STK4: variants seen among roughly 807,000 people sequenced by gnomAD.
STK4 encodes the protein serine/threonine kinase 4.
STK4 carries 30 observed loss-of-function variants against 64.9 expected under a neutral mutation model. The ratio of observed to expected loss-of-function variants is 0.46; its 90% CI spans 0.35 to 0.63. The LOEUF (loss-of-function observed/expected upper bound fraction) is 0.63, where lower values mean the gene tolerates loss of function less well. Ranked by LOEUF, STK4 falls within the 20% of genes least tolerant of loss-of-function variation. The pLI, the probability that STK4 is intolerant of heterozygous loss-of-function variation, is 0.01. For synonymous variants in STK4, 177 were observed against 199.0 expected (o/e 0.89, Z 0.93); for missense variants, 466 against 598.5 (o/e 0.78, Z 2.31).
chr20:45,034,834 T>A (rs1438468881), intron 10 of STK4, among the ~76,000 whole-genome samples: 1 of 152,120 alleles, frequency 6.6e-6, no homozygotes, highest in East Asian at 1.9e-4. Context: ...GGAGGATCTC[T>A]TGAGCCCAGG....
At chr20:44,995,888 A>G (rs1379557240) in intron 6 of STK4, among the ~76,000 whole-genome samples, 2 of 152,158 alleles carry the variant, frequency 1.3e-5, no homozygotes, top group South Asian at 2.1e-4. Flanking sequence ...TTAGACAACC[A>G]CATTTTAACA....
At chr20:45,037,606 G>A (rs917074340) in intron 10 of STK4, among the ~76,000 whole-genome samples, 1 of 152,112 alleles carries the variant, frequency 6.6e-6, no homozygotes, top group African/African-American at 2.4e-5. Flanking sequence ...AAGCCATTCA[G>A]TTGGCTTTTT....
intron 10 of STK4, among the ~76,000 whole-genome samples, chr20:45,065,342 T>C (rs1383005707): frequency 3.9e-5 from 6 of 152,204 alleles, no homozygotes; most frequent in Non-Finnish European, 8.8e-5. Context: ...GCCGCTGGAT[T>C]CGATTTGCTA....
chr20:45,030,003 CAAAT>C (rs1168056128), intron 10 of STK4, among the ~76,000 whole-genome samples: 9 of 151,878 alleles, frequency 5.9e-5, no homozygotes, highest in Admixed American at 5.9e-4. Flanking sequence ...TGACATCTGG[CAAAT>C]AAAGAGCTAG....
intron 9 of STK4, among the ~76,000 whole-genome samples, chr20:45,023,365 G>C (rs1312987577): frequency 6.6e-6 from 1 of 152,170 alleles, no homozygotes; most frequent in Non-Finnish European, 1.5e-5. Context: ...TGGCTGGCCT[G>C]AAACTGGACT....
intron 8 of STK4, 139 bp downstream of exon 8, chr20:45,000,659 A>G (rs2067821335): frequency 8.1e-7 from 1 of 1,238,418 alleles, no homozygotes; most frequent in Non-Finnish European, 1.1e-6. Flanking sequence ...CCTAACCTGG[A>G]TCAACGCATG....
intron 2 of STK4, among the ~76,000 whole-genome samples, chr20:44,976,203 G>A (rs112627791): frequency 0.011 from 1,728 of 152,300 alleles, 18 homozygotes; most frequent in Non-Finnish European, 0.016. Flanking sequence ...AAACTGAAAG[G>A]AGAATTTGTG....
At chr20:45,046,528 G>A (rs2068698035) in intron 10 of STK4, among the ~76,000 whole-genome samples, 1 of 151,066 alleles carries the variant, frequency 6.6e-6, no homozygotes, top group African/African-American at 2.4e-5. Context: ...GGAAATATTT[G>A]ATATATTTTC....
At chr20:45,061,352 A>G (rs1017452673) in intron 10 of STK4, among the ~76,000 whole-genome samples, 1 of 152,206 alleles carries the variant, frequency 6.6e-6, no homozygotes, top group Non-Finnish European at 1.5e-5. Context: ...CCGAATATTA[A>G]ATAGAAAATT....
chr20:45,010,956 T>A (rs2068033538), intron 9 of STK4, among the ~76,000 whole-genome samples: 1 of 152,156 alleles, frequency 6.6e-6, no homozygotes, highest in South Asian at 2.1e-4. Context: ...GGAGTCAGAT[T>A]GCAGTTGGAG....
In STK4 at chr20:45,046,558, G is replaced by A. The variant is rs973025573; in HGVS notation, c.1305+21428G>A. On this transcript the variant is annotated intron_variant, in intron 10 of 10. Coordinates refer to ENST00000372806, the MANE Select transcript of STK4 (RefSeq NM_006282.5). The stretch of plus-strand genomic sequence containing the variant: ...ATTTTCTGGTTATATCTCTGTCACA[G>A]TGTGCTTGTCAGTCTCATTCAGGCA... Among the ~76,000 whole-genome samples the A allele has an allele frequency of 2.4e-4, 36 of 151,276 alleles. 1 individual carries two copies. Among genetic ancestry groups the A allele is most frequent in the African/African-American group, 8.7e-4 (36 of 41,202 alleles).
rs191547889 is a variant in STK4 at position 45,001,830 on chromosome 20, C to T, written c.1147+477C>T. Among the ~76,000 whole-genome samples the T allele has an allele frequency of 1.6e-4, 24 of 152,324 alleles. No individual in the cohort carries two copies. In the East Asian group the frequency reaches 4.0e-3, roughly 26 times the overall value. On this transcript the variant is annotated intron_variant, in intron 9 of 10. Coordinates refer to ENST00000372806, the MANE Select transcript of STK4 (RefSeq NM_006282.5). ...GTTGAAAAGTTCTATCCAGTTTCTT[C>T]TAGTTTAAACTCATCTCTGCTTCTG... is the stretch of plus-strand genomic sequence containing the variant.
At chr20:45,012,097 G>A (rs6130724) in intron 9 of STK4, among the ~76,000 whole-genome samples, 18,799 of 150,056 alleles carry the variant, frequency 0.13, 1,539 homozygotes, top group East Asian at 0.22. Flanking sequence ...GTGCAGTGGC[G>A]CGATCTCAGC....
intron 1 of STK4, among the ~76,000 whole-genome samples, chr20:44,969,290 G>A (rs180815169): frequency 2.6e-5 from 4 of 152,306 alleles, no homozygotes; most frequent in African/African-American, 4.8e-5. Flanking sequence ...ATCAAATTCT[G>A]TGTGGAAAAA....
At chr20:44,984,557 C>A (rs925243368) in intron 4 of STK4, among the ~76,000 whole-genome samples, 6 of 152,022 alleles carry the variant, frequency 3.9e-5, no homozygotes, top group African/African-American at 1.4e-4. Context: ...TAACTCTGCC[C>A]TGTCCACCGT....
At chr20:45,041,683 A>G (rs920475935) in intron 10 of STK4, among the ~76,000 whole-genome samples, 1 of 121,950 alleles carries the variant, frequency 8.2e-6, no homozygotes, top group African/African-American at 3.2e-5. Context: ...AAGCGTGTTT[A>G]GCTTTTTTTT....
At chr20:44,969,844 A>T (rs1243829077) in intron 1 of STK4, among the ~76,000 whole-genome samples, 1 of 152,236 alleles carries the variant, frequency 6.6e-6, no homozygotes, top group Admixed American at 6.5e-5. Flanking sequence ...TATTATTATG[A>T]ATCACTTATC....
At chr20:44,990,538 A>G (rs761391974) in intron 5 of STK4, among the ~76,000 whole-genome samples, 13 of 152,118 alleles carry the variant, frequency 8.5e-5, no homozygotes, top group Non-Finnish European at 1.5e-4. Context: ...CTCCAGTACT[A>G]CTAAGTTTAG....
intron 9 of STK4, among the ~76,000 whole-genome samples, chr20:45,008,158 A>G (rs538280062): frequency 4.6e-5 from 7 of 152,212 alleles, no homozygotes; most frequent in African/African-American, 1.7e-4. Context: ...AGGTTCAAGC[A>G]ATTCTCCTGC....
Sources: gnomAD v4.1 joint callset for allele counts (sites outside exome capture counted in the v4.1 genomes callset) on GRCh38, gnomAD v4.1.1 for gene constraint, MANE v1.5 for transcripts, NCBI Gene and HGNC (gene_info 2026-07-23, HGNC 2026-07-21) for gene names.